The following AGBL1 variants were observed in gnomAD, a reference collection of about 807,000 sequenced individuals.
AGBL1 encodes AGBL carboxypeptidase 1.
In AGBL1, 130 loss-of-function variants were observed where a neutral mutation model predicts 118.9. That is an observed-to-expected ratio of 1.09 (90% CI 0.95 to 1.26). The LOEUF (loss-of-function observed/expected upper bound fraction) is 1.26. Ranked by LOEUF, AGBL1 falls within the 50% of genes most tolerant of loss-of-function variation. The pLI is 0.00. For synonymous variants in AGBL1, 555 were observed against 478.9 expected (o/e 1.16, Z -2.08); for missense variants, 1,584 against 1,298.1 (o/e 1.22, Z -3.38).
intron 22 of AGBL1, among the ~76,000 whole-genome samples, chr15:86,868,421 C>T (rs926351908): frequency 6.6e-6 from 1 of 152,196 alleles, no homozygotes; most frequent in Non-Finnish European, 1.5e-5. Context: ...TCCTTTATGA[C>T]TTTTAGCACC....
At chr15:86,740,575 C>G (rs1330029213) in intron 22 of AGBL1, among the ~76,000 whole-genome samples, 1 of 152,128 alleles carries the variant, frequency 6.6e-6, no homozygotes, top group East Asian at 1.9e-4. Context: ...AAATAGAAAA[C>G]AGTCAGTGTG....
intron 22 of AGBL1, among the ~76,000 whole-genome samples, chr15:86,784,122 C>T (rs2078373454): frequency 6.6e-6 from 1 of 152,086 alleles, no homozygotes; most frequent in South Asian, 2.1e-4. Flanking sequence ...AATAATAATA[C>T]TTGCTATAAA....
chr15:86,535,144 A>G (rs1340745058), intron 19 of AGBL1, among the ~76,000 whole-genome samples: 1 of 152,216 alleles, frequency 6.6e-6, no homozygotes, highest in Non-Finnish European at 1.5e-5. Flanking sequence ...AGCCAAGGAA[A>G]ACAGTTTTCC....
chr15:86,877,850 C>A (rs535168862), intron 22 of AGBL1, among the ~76,000 whole-genome samples: 5 of 152,192 alleles, frequency 3.3e-5, no homozygotes, highest in South Asian at 2.1e-4. Context: ...TGTTTACCAA[C>A]CTTCTTCTCT....
intron 5 of AGBL1, among the ~76,000 whole-genome samples, chr15:86,208,646 C>T (rs2078037287): frequency 6.6e-6 from 1 of 152,156 alleles, no homozygotes; most frequent in African/African-American, 2.4e-5. Context: ...GTTTGTATTT[C>T]TGTGGGATTG....
chr15:86,433,226 TCTTCTCCTCCTC>T (rs557427226), intron 18 of AGBL1, among the ~76,000 whole-genome samples: 21 of 146,796 alleles, frequency 1.4e-4, no homozygotes, highest in Admixed American at 6.8e-4. Context: ...TTCTTCTTCT[TCTTCTCCTCCTC>T]CTTCTCCTCC....
At chr15:86,200,436 C>A (rs2077884767) in intron 5 of AGBL1, among the ~76,000 whole-genome samples, 2 of 151,956 alleles carry the variant, frequency 1.3e-5, no homozygotes, top group Non-Finnish European at 2.9e-5. Flanking sequence ...TACAAATTAT[C>A]ACAGATTTCA....
chr15:86,922,903 T>C (rs929471502), intron 23 of AGBL1, among the ~76,000 whole-genome samples: 1 of 152,060 alleles, frequency 6.6e-6, no homozygotes, highest in Non-Finnish European at 1.5e-5. Flanking sequence ...CTAGGAGAAA[T>C]ATGAATCAGC....
intron 22 of AGBL1, among the ~76,000 whole-genome samples, chr15:86,861,918 A>G (rs1370967173): frequency 6.6e-6 from 1 of 152,242 alleles, no homozygotes; most frequent in African/African-American, 2.4e-5. Context: ...CATAGACATC[A>G]GGTCAAATCT....
chr15:86,675,962 A>G (rs1384251368), intron 22 of AGBL1, among the ~76,000 whole-genome samples: 1 of 152,206 alleles, frequency 6.6e-6, no homozygotes, highest in Non-Finnish European at 1.5e-5. Context: ...AGTTTAAAGA[A>G]TTTGATGTCA....
intron 1 of AGBL1, among the ~76,000 whole-genome samples, chr15:86,087,854 T>A (rs1403353267): frequency 6.6e-6 from 1 of 152,194 alleles, no homozygotes; most frequent in Non-Finnish European, 1.5e-5. Flanking sequence ...GTCAATAGAT[T>A]TCCTCAGGTG....
At chr15:86,826,234 G>T (rs931368391) in intron 22 of AGBL1, among the ~76,000 whole-genome samples, 1 of 152,094 alleles carries the variant, frequency 6.6e-6, no homozygotes, top group Non-Finnish European at 1.5e-5. Context: ...TGCCTATGTA[G>T]GAAATGGCAA....
chr15:86,966,596 AC>A (rs1338041725), intron 23 of AGBL1, among the ~76,000 whole-genome samples: 1 of 151,910 alleles, frequency 6.6e-6, no homozygotes, highest in Non-Finnish European at 1.5e-5. Flanking sequence ...TGTCCTTGTG[AC>A]AGTTTGCTGA....
At chr15:86,503,854 T>C (rs2082944838) in intron 18 of AGBL1, among the ~76,000 whole-genome samples, 2 of 151,600 alleles carry the variant, frequency 1.3e-5, no homozygotes, top group South Asian at 4.1e-4. Flanking sequence ...AACCATGTGA[T>C]CTACTCTACA....
intron 24 of AGBL1, among the ~76,000 whole-genome samples, chr15:86,994,385 C>T (rs931625678): frequency 3.3e-5 from 5 of 152,036 alleles, no homozygotes; most frequent in Admixed American, 2.0e-4. Context: ...CGGGCACAGA[C>T]TGTCCAGAGT....
At chr15:86,948,108 C>G (rs768105632) in intron 23 of AGBL1, among the ~76,000 whole-genome samples, 3 of 152,006 alleles carry the variant, frequency 2.0e-5, no homozygotes, top group Non-Finnish European at 4.4e-5. Context: ...AAAATAGAAC[C>G]AAGAGCCCCA....
At chr15:86,696,838 A>C (rs1295544307) in intron 22 of AGBL1, among the ~76,000 whole-genome samples, 1 of 152,018 alleles carries the variant, frequency 6.6e-6, no homozygotes, top group Middle Eastern at 3.4e-3. Flanking sequence ...AAAAGATTGT[A>C]TATTTCCTTC....
At chr15:86,964,047 GTGTGTGTGTT>G (rs1567262342) in intron 23 of AGBL1, among the ~76,000 whole-genome samples, 9 of 151,238 alleles carry the variant, frequency 6.0e-5, no homozygotes, top group Non-Finnish European at 1.0e-4. Context: ...GTGTGTGTGT[GTGTGTGTGTT>G]TGTGTGTGAC....
intron 5 of AGBL1, among the ~76,000 whole-genome samples, chr15:86,188,245 A>G (rs781712373): frequency 6.6e-5 from 10 of 152,306 alleles, no homozygotes; most frequent in Admixed American, 1.3e-4. Flanking sequence ...CCCCCACACT[A>G]TGGAGCTGAT....
Sources: allele counts gnomAD v4.1 joint callset (sites outside exome capture counted in the v4.1 genomes callset), GRCh38; gene constraint gnomAD v4.1.1; transcripts MANE v1.5; gene names NCBI Gene and HGNC (gene_info 2026-07-23, HGNC 2026-07-21).